The following RANBP3 variants were observed in gnomAD, a reference collection of about 807,000 sequenced individuals.
RANBP3 encodes the protein RAN binding protein 3, also known as ran-binding protein 3.
RANBP3 carries 14 observed loss-of-function variants against 77.3 expected under a neutral mutation model. The observed-to-expected ratio is 0.18, with a 90% CI of 0.12 to 0.28. The LOEUF (loss-of-function observed/expected upper bound fraction) is 0.28, where lower values mean the gene tolerates loss of function less well. Among genes scored for constraint, RANBP3 ranks in the 10% least tolerant of loss-of-function variants. The pLI is 1.00. For missense variants in RANBP3, 586 were observed against 752.3 expected, an observed-to-expected ratio of 0.78 and a Z score of 2.59; for synonymous variants, 315 against 312.4, an observed-to-expected ratio of 1.01 and a Z score of -0.09.
intron 5 of RANBP3, among the ~76,000 whole-genome samples, chr19:5,936,180 G>T (rs2058062007): frequency 6.6e-6 from 1 of 152,256 alleles, no homozygotes; most frequent in African/African-American, 2.4e-5. Flanking sequence ...TGGAGCTGGG[G>T]TCTGTGCGTG....
At chr19:5,919,189 G>C (rs376608394) in intron 14 of RANBP3, among the ~76,000 whole-genome samples, 7 of 152,358 alleles carry the variant, frequency 4.6e-5, no homozygotes, top group East Asian at 1.9e-4. Flanking sequence ...TCCATGGAGA[G>C]GAGACGAGAG....
chr19:5,925,752 G>C lies in RANBP3; in HGVS notation c.814-15C>G. On this transcript the variant is annotated splice_polypyrimidine_tract_variant and intron_variant, in intron 9 of 16. Transcript: ENST00000340578. The stretch of plus-strand genomic sequence containing the variant: ...TCATTTATCAGCTGGGAATGAGACG[G>C]AGCGCTCAGTAATCGGGGGTGGGGG... 6.2e-7 allele frequency: 1 copy of C among 1,609,350 alleles called. No individual in the cohort carries two copies. Among genetic ancestry groups the C allele is most frequent in the Non-Finnish European group, 8.5e-7 (1 of 1,176,046 alleles).
intron 7 of RANBP3, 38 bp from the exon 8 acceptor site, chr19:5,931,569 T>C: frequency 3.2e-6 from 5 of 1,579,398 alleles, no homozygotes; most frequent in Non-Finnish European, 4.3e-6. Flanking sequence ...CACAGGTGCT[T>C]GGCGGCCCTC....
Position 5,923,933 on chromosome 19 carries a change from A to G in RANBP3, c.997-19T>C. 1 of 1,594,336 alleles carries G rather than the reference A, an allele frequency of 6.3e-7. No homozygotes were observed. Among genetic ancestry groups the G allele is most frequent in the South Asian group, 1.1e-5 (1 of 90,642 alleles). ...GGGGGCTCTGCAGGGACACAAAAGC[A>G]TACAAGGAAGAGGGCACTTGTGTGG... On this transcript the variant is annotated intron_variant, in intron 11 of 16. Transcript: ENST00000340578.
intron 3 of RANBP3, among the ~76,000 whole-genome samples, chr19:5,942,965 T>C (rs2058158438): frequency 6.6e-6 from 1 of 152,110 alleles, no homozygotes; most frequent in Non-Finnish European, 1.5e-5. Flanking sequence ...GGTCTGAGGC[T>C]GCAGTGAGCT....
intron 1 of RANBP3, 35 bp downstream of exon 1, chr19:5,978,026 G>GGCC: frequency 6.2e-7 from 1 of 1,607,844 alleles, no homozygotes; most frequent in Non-Finnish European, 8.5e-7. Flanking sequence ...CCCGTTCCCC[G>GGCC]GCCGCCAGCC....
intron 14 of RANBP3, chr19:5,920,940 A>G (rs115381213): frequency 0.012 from 3,634 of 297,320 alleles, 134 homozygotes; most frequent in African/African-American, 0.071. Context: ...ATCAGCTTAA[A>G]AACTTCCATA....
chr19:5,920,471 C>G (rs1303952788), intron 14 of RANBP3, among the ~76,000 whole-genome samples: 1 of 152,160 alleles, frequency 6.6e-6, no homozygotes, highest in Non-Finnish European at 1.5e-5. Context: ...GCAGGTACTC[C>G]AAGCTAAATG....
intron 9 of RANBP3, among the ~76,000 whole-genome samples, chr19:5,926,285 G>C (rs139032845): frequency 0.011 from 1,628 of 152,250 alleles, 11 homozygotes; most frequent in South Asian, 0.029. Flanking sequence ...GGTGGCTCGT[G>C]CCTGTAATAC....
chr19:5,935,916 G>A, intron 5 of RANBP3: 1 of 421,656 alleles, frequency 2.4e-6, no homozygotes, highest in South Asian at 1.7e-5. Flanking sequence ...AAGGGTGTGG[G>A]CCTGTAGAGG....
At chr19:5,939,902 C>G (rs2058113305) in intron 5 of RANBP3, among the ~76,000 whole-genome samples, 1 of 152,226 alleles carries the variant, frequency 6.6e-6, no homozygotes, top group African/African-American at 2.4e-5. Flanking sequence ...ATCAGATGCT[C>G]CAGGCCACAT....
intron 1 of RANBP3, among the ~76,000 whole-genome samples, chr19:5,968,866 G>A (rs1207755095): frequency 1.3e-5 from 2 of 152,236 alleles, no homozygotes; most frequent in South Asian, 2.1e-4. Context: ...GCTCTCTACT[G>A]GGAAAGAGAA....
chr19:5,958,023 G>C lies in RANBP3; in HGVS notation c.23-50C>G. 2 of 1,507,508 alleles carry C rather than the reference G, an allele frequency of 1.3e-6. No homozygotes were observed. Among genetic ancestry groups the C allele is most frequent in the Non-Finnish European group, 1.8e-6 (2 of 1,084,440 alleles). The allele number at this position is 1,507,508 out of a possible 1,614,324, so 93.4% of individuals were successfully genotyped here. A position where few individuals can be genotyped will look rare whatever the true frequency, so the allele number is the denominator to read the frequency against. On this transcript the variant is annotated intron_variant, in intron 1 of 16. Coordinates refer to ENST00000340578, the MANE Select transcript of RANBP3 (RefSeq NM_007322.3). The surrounding 1 kb of genome is among the most constrained non-coding windows in gnomAD (Gnocchi z 4.4). ...TTCCCCCCAACACTATATGCATACA[G>C]TAAACAAAGCTACACTTGTTTGTAA...
chr19:5,925,422 G>C (rs1272723995), intron 10 of RANBP3: 1 of 596,064 alleles, frequency 1.7e-6, no homozygotes, highest in Non-Finnish European at 3.0e-6. Context: ...CTCTGGTCCT[G>C]TCTCAGGCGT....
chr19:5,925,072 G>A, intron 10 of RANBP3, 167 bp from the exon 11 acceptor site: 2 of 687,512 alleles, frequency 2.9e-6, no homozygotes, highest in Non-Finnish European at 5.2e-6. Context: ...ACCTCCCTGT[G>A]CCATTGAAAA....
intron 9 of RANBP3, 66 bp from the exon 10 acceptor site, chr19:5,925,803 G>A: frequency 7.6e-7 from 1 of 1,321,886 alleles, no homozygotes; most frequent in Non-Finnish European, 1.1e-6. Flanking sequence ...ACAGCTCAGT[G>A]TCTGCAGACC....
chr19:5,977,326 G>A (rs2058604566), intron 1 of RANBP3, among the ~76,000 whole-genome samples: 1 of 152,132 alleles, frequency 6.6e-6, no homozygotes, highest in African/African-American at 2.4e-5. Flanking sequence ...GTGTAACCTT[G>A]TCAAAAACAC....
At position 5,927,821 on chromosome 19, in the gene RANBP3, T is replaced by G. The variant is rs533007366; in HGVS notation, c.813+147A>C. On this transcript the variant is annotated intron_variant, in intron 9 of 16. Coordinates refer to ENST00000340578, the MANE Select transcript of RANBP3 (RefSeq NM_007322.3). ...CAGCACACGCACACCAGCAGCAGAC[T>G]GTGCCGTGAGCCATGGGGCTGCCTC... The G allele has an allele frequency of 2.5e-3, 2,594 of 1,032,292 alleles. 9 individuals carry two copies. Among genetic ancestry groups the G allele is most frequent in the Non-Finnish European group, 2.7e-3 (1,992 of 738,204 alleles). 63.9% of individuals were successfully genotyped at this position (1,032,292 alleles called of 1,614,324 possible).
At chr19:5,953,006 T>C (rs921025245) in intron 2 of RANBP3, among the ~76,000 whole-genome samples, 2 of 152,184 alleles carry the variant, frequency 1.3e-5, no homozygotes, top group African/African-American at 4.8e-5. Context: ...TTAGAACCAC[T>C]TGAATTTTTT....
Sources: gnomAD v4.1 joint callset for allele counts (sites outside exome capture counted in the v4.1 genomes callset) on GRCh38, gnomAD v4.1.1 for gene constraint, Gnocchi (gnomAD v3.1) non-coding constraint, MANE v1.5 for transcripts, NCBI Gene and HGNC (gene_info 2026-07-23, HGNC 2026-07-21) for gene names.